Variants in CIB4 observed in about 807,000 individuals in gnomAD.
CIB4 encodes calcium and integrin-binding family member 4.
A neutral mutation model predicts 25.8 loss-of-function variants in CIB4; 25 were observed. The ratio of observed to expected loss-of-function variants is 0.97; its 90% CI spans 0.71 to 1.35. The LOEUF is 1.35. Ranked by LOEUF, CIB4 falls within the 40% of genes most tolerant of loss-of-function variation. The pLI is 0.00. For missense variants in CIB4, 235 were observed against 228.2 expected, an observed-to-expected ratio of 1.03 and a Z score of -0.19; for synonymous variants, 75 against 81.4, an observed-to-expected ratio of 0.92 and a Z score of 0.42.
chr2:26,613,950 A>C (rs1669045141), intron 3 of CIB4, among the ~76,000 whole-genome samples: 1 of 152,196 alleles, frequency 6.6e-6, no homozygotes, highest in South Asian at 2.1e-4. Flanking sequence ...AGGTGGCTGA[A>C]TGCCTCCTCT....
intron 4 of CIB4, among the ~76,000 whole-genome samples, chr2:26,586,255 C>T (rs926062261): frequency 2.6e-4 from 40 of 152,164 alleles, no homozygotes; most frequent in African/African-American, 8.9e-4. Context: ...CAAGTCAGCC[C>T]GCCCTCACTC....
chr2:26,630,878 G>A (rs1275955), intron 2 of CIB4, among the ~76,000 whole-genome samples: 68,662 of 151,876 alleles, frequency 0.45, 17,424 homozygotes, highest in Middle Eastern at 0.58. Context: ...AGGTGCCCCT[G>A]TGCTCCTGGG....
chr2:26,608,655 G>A (rs2148208505), intron 3 of CIB4, among the ~76,000 whole-genome samples: 1 of 152,280 alleles, frequency 6.6e-6, no homozygotes, highest in East Asian at 1.9e-4. Context: ...CAACAGGGGT[G>A]GCGATGCGAT....
In CIB4 at chr2:26,581,286, A is replaced by C. The variant is rs1668330928; in HGVS notation, c.*77T>G. On this transcript the variant is annotated 3_prime_UTR_variant, in exon 7 of 7. Coordinates refer to ENST00000288861, the MANE Select transcript of CIB4 (RefSeq NM_001029881.3). The stretch of plus-strand genomic sequence containing the variant: ...CCAGTACAAAGTCATACTTCAAACC[A>C]GCTCCCTCCAGTGCTGGAGGGGGTT... 2 of 1,229,394 alleles carry C rather than the reference A, an allele frequency of 1.6e-6. No homozygotes were observed. The highest frequency in any genetic ancestry group is 2.9e-5 in the African/African-American group (2 of 67,920). 76.2% of individuals were successfully genotyped at this position (1,229,394 alleles called of 1,614,324 possible).
chr2:26,589,084 T>TTCCTCC (rs1668527009), intron 4 of CIB4, among the ~76,000 whole-genome samples: 2 of 91,586 alleles, frequency 2.2e-5, no homozygotes, highest in African/African-American at 1.2e-4. Flanking sequence ...CTTCTTCTTC[T>TTCCTCC]TCTTCTTCTT....
chr2:26,605,308 TAA>T (rs374718515), intron 3 of CIB4, among the ~76,000 whole-genome samples: 1 of 148,410 alleles, frequency 6.7e-6, no homozygotes. Flanking sequence ...TTTGTTCAAG[TAA>T]AAAAAAAAAT....
chr2:26,589,063 TTCCTCTTCC>T (rs879507765), intron 4 of CIB4, among the ~76,000 whole-genome samples: 1,372 of 48,724 alleles, frequency 0.028, 121 homozygotes, highest in Non-Finnish European at 0.042. Context: ...CTTCTTCCTC[TTCCTCTTCC>T]TCTTCTTCTT....
intron 3 of CIB4, among the ~76,000 whole-genome samples, chr2:26,620,367 C>T (rs1239660364): frequency 6.6e-6 from 1 of 152,206 alleles, no homozygotes; most frequent in Non-Finnish European, 1.5e-5. Flanking sequence ...GTTCTAGACA[C>T]CCCCACCCCC....
intron 5 of CIB4, among the ~76,000 whole-genome samples, chr2:26,583,132 G>A (rs971001656): frequency 1.2e-4 from 19 of 152,114 alleles, no homozygotes; most frequent in East Asian, 1.9e-4. Context: ...CCTCCAGCAC[G>A]AGCCTGGCAG....
intron 2 of CIB4, among the ~76,000 whole-genome samples, chr2:26,639,910 C>T (rs530832615): frequency 6.6e-6 from 1 of 152,252 alleles, no homozygotes; most frequent in Non-Finnish European, 1.5e-5. Context: ...AACACACAAA[C>T]ACACACACAC....
chr2:26,628,662 T>C (rs567412201), intron 3 of CIB4, among the ~76,000 whole-genome samples: 1 of 152,316 alleles, frequency 6.6e-6, no homozygotes, highest in South Asian at 2.1e-4. Context: ...GCACCCTTCT[T>C]TCCTGCAGCC....
chr2:26,586,526 A>C (rs1668456962), intron 4 of CIB4, among the ~76,000 whole-genome samples: 1 of 152,224 alleles, frequency 6.6e-6, no homozygotes, highest in Non-Finnish European at 1.5e-5. Flanking sequence ...TATAAATTCC[A>C]CAAGGGCAGA....
chr2:26,601,230 AAAT>A lies in CIB4; in HGVS notation c.187-5916_187-5914del, dbSNP rs1204973263. ...GTGAGACCATGTCAAAAAAAAAAAA[AAAT>A]ATATATATATATATATATATATATA... On this transcript the variant is annotated intron_variant, in intron 3 of 6. Transcript: ENST00000288861. Among the ~76,000 whole-genome samples the A allele has an allele frequency of 2.2e-3, 102 of 47,354 alleles. 1 individual carries two copies. The highest frequency in any genetic ancestry group is 6.0e-3 in the African/African-American group (85 of 14,056). 31.1% of individuals were successfully genotyped at this position (47,354 alleles called of 152,430 possible).
Position 26,581,308 on chromosome 2 carries a change from G to A in CIB4, c.*55C>T, listed in dbSNP as rs531721092. ...ACCAGCTCCCTCCAGTGCTGGAGGGGGTTCGATTCCTGTGGTCTCCCTCGA... is the reference window on the plus strand; with the variant it reads ...ACCAGCTCCCTCCAGTGCTGGAGGGAGTTCGATTCCTGTGGTCTCCCTCGA... On this transcript the variant is annotated 3_prime_UTR_variant, in exon 7 of 7. Transcript: ENST00000288861. 167 of 1,476,548 alleles carry A rather than the reference G, an allele frequency of 1.1e-4. No individual in the cohort carries two copies. The African/African-American group carries it at 1.5e-3, about 13-fold the overall frequency. 91.5% of individuals were successfully genotyped at this position (1,476,548 alleles called of 1,614,324 possible). A position where few individuals can be genotyped will look rare whatever the true frequency, so the allele number is the denominator to read the frequency against.
intron 4 of CIB4, among the ~76,000 whole-genome samples, chr2:26,592,277 G>T (rs958697383): frequency 6.6e-6 from 1 of 152,250 alleles, no homozygotes; most frequent in African/African-American, 2.4e-5. Flanking sequence ...AGCCAGCACG[G>T]CTGCCACCTG....
chr2:26,624,519 A>T (rs993555299), intron 3 of CIB4, among the ~76,000 whole-genome samples: 5 of 152,172 alleles, frequency 3.3e-5, no homozygotes, highest in Non-Finnish European at 7.3e-5. Context: ...CAATACGGAC[A>T]AAAGGGGGTG....
intron 4 of CIB4, among the ~76,000 whole-genome samples, chr2:26,588,934 G>C (rs1045377828): frequency 6.6e-6 from 1 of 151,746 alleles, no homozygotes; most frequent in African/African-American, 2.4e-5. Flanking sequence ...CTCCAGGGAG[G>C]TGTGGCTGTC....
chr2:26,601,898 G>A (rs1173814034), intron 3 of CIB4, among the ~76,000 whole-genome samples: 7 of 152,130 alleles, frequency 4.6e-5, no homozygotes, highest in African/African-American at 1.7e-4. Flanking sequence ...GACACAAAGG[G>A]CTACATATTG....
intron 4 of CIB4, among the ~76,000 whole-genome samples, chr2:26,585,774 G>A (rs891922775): frequency 6.6e-5 from 10 of 151,994 alleles, no homozygotes; most frequent in African/African-American, 1.2e-4. Flanking sequence ...GTTTCTCCCC[G>A]AACTCCAGGC....
Sources: gnomAD v4.1 joint callset for allele counts (sites outside exome capture counted in the v4.1 genomes callset) on GRCh38, gnomAD v4.1.1 for gene constraint, MANE v1.5 for transcripts, NCBI Gene and HGNC (gene_info 2026-07-23, HGNC 2026-07-21) for gene names.